FRMD5: variants seen among roughly 807,000 people sequenced by gnomAD.
FRMD5 encodes FERM domain-containing protein 5.
In FRMD5, 20 loss-of-function variants were observed where a neutral mutation model predicts 69.0. The ratio of observed to expected loss-of-function variants is 0.29; its 90% CI spans 0.20 to 0.42. The LOEUF is 0.42. Ranked by LOEUF, FRMD5 falls within the 10% of genes least tolerant of loss-of-function variation. FRMD5 has a pLI of 1.00. For synonymous variants in FRMD5, 271 were observed against 260.1 expected (o/e 1.04, Z -0.40); for missense variants, 595 against 708.6 (o/e 0.84, Z 1.82).
chr15:44,046,133 A>C (rs1255131146), intron 1 of FRMD5, among the ~76,000 whole-genome samples: 1 of 152,134 alleles, frequency 6.6e-6, no homozygotes. Context: ...ATAATTCCTG[A>C]ATGAATGAAT....
chr15:44,114,691 A>G (rs2076844322), intron 1 of FRMD5, among the ~76,000 whole-genome samples: 1 of 152,238 alleles, frequency 6.6e-6, no homozygotes, highest in Non-Finnish European at 1.5e-5. Context: ...AGAATTATAT[A>G]CACTTTTAAA....
chr15:44,013,874 T>TTTTTA (rs1890837322), intron 1 of FRMD5, among the ~76,000 whole-genome samples: 1 of 150,624 alleles, frequency 6.6e-6, no homozygotes, highest in Non-Finnish European at 1.5e-5. Context: ...TTTTTTTTTT[T>TTTTTA]GAGACAGAGT....
In FRMD5 at chr15:44,069,130, C is replaced by G. The variant is rs111826785; in HGVS notation, c.102+125823G>C. Among the ~76,000 whole-genome samples the G allele has an allele frequency of 7.4e-3, 1,128 of 152,250 alleles. 21 individuals are homozygous for G. Among genetic ancestry groups the G allele is most frequent in the African/African-American group, 0.026 (1,080 of 41,534 alleles). The stretch of plus-strand genomic sequence containing the variant: ...AAGGCAACTTAAAACCATGAAATAT[C>G]ACTACACACCTATCAGGATGGCTAA... On this transcript the variant is annotated intron_variant, in intron 1 of 13. Transcript: ENST00000417257.
At chr15:44,053,830 A>T (rs1343878210) in intron 1 of FRMD5, among the ~76,000 whole-genome samples, 3 of 152,240 alleles carry the variant, frequency 2.0e-5, no homozygotes, top group Non-Finnish European at 4.4e-5. Flanking sequence ...TATAGTTACT[A>T]ATTTTATAGA....
intron 10 of FRMD5, 141 bp from the exon 11 acceptor site, chr15:43,885,896 TCA>T: frequency 1.5e-6 from 1 of 681,126 alleles, no homozygotes; most frequent in South Asian, 1.7e-5. Context: ...TCTCTGACTC[TCA>T]TTTAGGATCT....
chr15:44,142,614 A>G (rs926265491), intron 1 of FRMD5, among the ~76,000 whole-genome samples: 1 of 152,228 alleles, frequency 6.6e-6, no homozygotes, highest in Admixed American at 6.5e-5. Context: ...TTTAAAATCT[A>G]TCATTCACAG....
In FRMD5 at chr15:43,912,800, C is replaced by G. The variant is rs2089312278; in HGVS notation, c.330-2821G>C. On this transcript the variant is annotated intron_variant, in intron 4 of 13. Transcript: ENST00000417257. ...TGGGAGGTCGAGGTGGGTGGATCAC[C>G]TGAGGTCAAGAGTTCGAGACCACCA... is the stretch of plus-strand genomic sequence containing the variant. Among the ~76,000 whole-genome samples the G allele has an allele frequency of 2.7e-5, 4 of 150,124 alleles. No homozygotes were observed. The Admixed American group carries it at 2.7e-4, about 10-fold the overall frequency.
chr15:43,933,217 T>C (rs2089705551), intron 1 of FRMD5, among the ~76,000 whole-genome samples: 1 of 152,140 alleles, frequency 6.6e-6, no homozygotes. Context: ...AATCTTCCAA[T>C]AGTGGTTGTC....
At chr15:43,905,762 G>T in intron 6 of FRMD5, 66 bp downstream of exon 6, 2 of 1,589,580 alleles carry the variant, frequency 1.3e-6, no homozygotes, top group Non-Finnish European at 1.7e-6. Flanking sequence ...AGGACACGGC[G>T]TGGAGCCTGC....
At chr15:44,140,516 A>G (rs1595512287) in intron 1 of FRMD5, among the ~76,000 whole-genome samples, 1 of 152,150 alleles carries the variant, frequency 6.6e-6, no homozygotes, top group Non-Finnish European at 1.5e-5. Context: ...AAGAAAAATA[A>G]AAGGCACAAG....
intron 1 of FRMD5, among the ~76,000 whole-genome samples, chr15:44,185,244 T>C (rs534513737): frequency 5.3e-5 from 8 of 152,308 alleles, no homozygotes; most frequent in Admixed American, 1.3e-4. Context: ...TTTGAAGAAG[T>C]TGCATTCCAG....
At chr15:44,059,984 G>A (rs1404046294) in intron 1 of FRMD5, among the ~76,000 whole-genome samples, 1 of 152,226 alleles carries the variant, frequency 6.6e-6, no homozygotes, top group African/African-American at 2.4e-5. Context: ...CTAAAGAGCT[G>A]CACTGGCTAT....
At chr15:44,067,245 T>C (rs1893349523) in intron 1 of FRMD5, among the ~76,000 whole-genome samples, 1 of 152,194 alleles carries the variant, frequency 6.6e-6, no homozygotes. Context: ...AGAGACTAGG[T>C]ATGTGCCATG....
chr15:44,012,980 G>A (rs1314117493), intron 1 of FRMD5, among the ~76,000 whole-genome samples: 1 of 151,996 alleles, frequency 6.6e-6, no homozygotes, highest in Non-Finnish European at 1.5e-5. Flanking sequence ...TGGTCAGGCT[G>A]GTCTCGAACT....
Position 44,028,244 on chromosome 15 carries a change from T to C in FRMD5, c.103-103935A>G, listed in dbSNP as rs536842435. 4.0e-4 allele frequency among the ~76,000 whole-genome samples: 61 copies of C among 151,800 alleles called. No individual in the cohort carries two copies. The South Asian group carries it at 0.012, about 31-fold the overall frequency. On this transcript the variant is annotated intron_variant, in intron 1 of 13. Transcript: ENST00000417257. ...ACCAACATGCCCATACAAAAGGGAG[T>C]GTAGAGGAGATATTCCATCCAACTA...
intron 1 of FRMD5, among the ~76,000 whole-genome samples, chr15:44,020,182 G>A (rs1343488455): frequency 6.6e-6 from 1 of 151,692 alleles, no homozygotes; most frequent in Non-Finnish European, 1.5e-5. Flanking sequence ...TGTTGCCCAG[G>A]TTGGAGTGCA....
At chr15:44,103,877 T>C (rs955946932) in intron 1 of FRMD5, among the ~76,000 whole-genome samples, 1 of 152,218 alleles carries the variant, frequency 6.6e-6, no homozygotes, top group African/African-American at 2.4e-5. Flanking sequence ...GTCATAGCCA[T>C]CATAATGTAA....
intron 1 of FRMD5, among the ~76,000 whole-genome samples, chr15:43,953,833 C>T (rs373159697): frequency 6.6e-6 from 1 of 152,202 alleles, no homozygotes; most frequent in Non-Finnish European, 1.5e-5. Flanking sequence ...GTATTCTCAG[C>T]TATGATGTGA....
rs571116723 is a variant in FRMD5 at position 43,916,855 on chromosome 15, T to C, written c.329+2604A>G. Among the ~76,000 whole-genome samples, 18 of 151,936 alleles carry C rather than the reference T, an allele frequency of 1.2e-4. No homozygotes were observed. In the South Asian group the frequency reaches 3.8e-3, roughly 32 times the overall value. On this transcript the variant is annotated intron_variant, in intron 4 of 13. Transcript: ENST00000417257. The stretch of plus-strand genomic sequence containing the variant: ...GTGCAATGGCGTGATCTTGGCTCAC[T>C]GCAACCTCTGCCTCCTGGGTTCAAG...
Sources: allele counts gnomAD v4.1 joint callset (sites outside exome capture counted in the v4.1 genomes callset), GRCh38; gene constraint gnomAD v4.1.1; transcripts MANE v1.5; gene names NCBI Gene and HGNC (gene_info 2026-07-23, HGNC 2026-07-21).